Variants in OCIAD1 observed in about 807,000 individuals in gnomAD.
The protein encoded by OCIAD1 is OCIA domain containing 1.
In OCIAD1, 29 loss-of-function variants were observed where a neutral mutation model predicts 38.9. The observed-to-expected ratio is 0.74, with a 90% CI of 0.55 to 1.02. OCIAD1 has a LOEUF of 1.02. Among genes scored for constraint, OCIAD1 ranks in the 50% least tolerant of loss-of-function variants. The pLI, the probability that OCIAD1 is intolerant of heterozygous loss-of-function variation, is 0.00. For synonymous variants in OCIAD1, 110 were observed against 92.0 expected (o/e 1.20, Z -1.12); for missense variants, 288 against 289.6 (o/e 0.99, Z 0.04).
At chr4:48,817,728 C>A (rs1254768105) in intron 1 of OCIAD1, among the ~76,000 whole-genome samples, 1 of 152,174 alleles carries the variant, frequency 6.6e-6, no homozygotes, top group East Asian at 1.9e-4. Context: ...TTGGAATAAT[C>A]GAGCTTGGTG....
chr4:48,827,290 T>C (rs1395635874), upstream of OCIAD1, among the ~76,000 whole-genome samples: 1 of 152,234 alleles, frequency 6.6e-6, no homozygotes, highest in Non-Finnish European at 1.5e-5. Flanking sequence ...AAATTATCCC[T>C]TTATTATTAA....
At chr4:48,845,417 T>C (rs1579082757) in intron 4 of OCIAD1, among the ~76,000 whole-genome samples, 1 of 152,360 alleles carries the variant, frequency 6.6e-6, no homozygotes, top group Non-Finnish European at 1.5e-5. Context: ...TAACCAGTTT[T>C]TCTTGAAATA....
At chr4:48,828,402 T>G (rs1041735189), upstream of OCIAD1, among the ~76,000 whole-genome samples, 2 of 152,174 alleles carry the variant, frequency 1.3e-5, no homozygotes, top group African/African-American at 4.8e-5. Context: ...TGGGGCCAGA[T>G]AAGGGAATAA....
At chr4:48,816,923 T>A (rs1193198689) in intron 1 of OCIAD1, among the ~76,000 whole-genome samples, 1 of 152,010 alleles carries the variant, frequency 6.6e-6, no homozygotes, top group East Asian at 1.9e-4. Flanking sequence ...TGAGTGGAGA[T>A]TGGGCCACTG....
chr4:48,848,134 T>TAC (rs1008881657), intron 4 of OCIAD1, among the ~76,000 whole-genome samples: 5 of 152,162 alleles, frequency 3.3e-5, no homozygotes, highest in Admixed American at 1.3e-4. Flanking sequence ...CAGTTTTTCA[T>TAC]ACACACACAC....
At chr4:48,855,018 AG>A (rs1779894324) in intron 7 of OCIAD1, among the ~76,000 whole-genome samples, 1 of 152,186 alleles carries the variant, frequency 6.6e-6, no homozygotes, top group Non-Finnish European at 1.5e-5. Flanking sequence ...TTCTCTCCAT[AG>A]TGTGGGAAAT....
At chr4:48,855,400 C>A (rs555550469) in intron 7 of OCIAD1, among the ~76,000 whole-genome samples, 1 of 152,076 alleles carries the variant, frequency 6.6e-6, no homozygotes, top group Non-Finnish European at 1.5e-5. Context: ...TCTTTACATT[C>A]TTTTTTTAGT....
Position 48,814,244 on chromosome 4 carries a change from T to TG in OCIAD1, c.-103+8914_-103+8915insG, listed in dbSNP as rs1385960172. On this transcript the variant is annotated intron_variant, in intron 1 of 6. Transcript: ENST00000504654. ...GGGTCACCTCCTGTGGAGGGGTTTT[T>TG]TTTTTTTTTTTAATCCTTGCCTCTG... Among the ~76,000 whole-genome samples, 50 of 151,934 alleles carry TG rather than the reference T, an allele frequency of 3.3e-4. No homozygotes were observed. In the East Asian group the frequency reaches 8.9e-3, roughly 27 times the overall value.
chr4:48,825,208 C>G (rs1261079281), intron 1 of OCIAD1, among the ~76,000 whole-genome samples: 1 of 152,212 alleles, frequency 6.6e-6, no homozygotes, highest in Admixed American at 6.5e-5. Context: ...CTTGGGGTTA[C>G]TCCCTGGAGC....
intron 1 of OCIAD1, among the ~76,000 whole-genome samples, chr4:48,820,517 C>A (rs1777184245): frequency 6.6e-6 from 1 of 152,058 alleles, no homozygotes. Context: ...CAAACAAATT[C>A]AAAAGCTAGC....
chr4:48,827,985 A>G (rs1777267189), upstream of OCIAD1, among the ~76,000 whole-genome samples: 1 of 151,840 alleles, frequency 6.6e-6, no homozygotes, highest in African/African-American at 2.4e-5. Context: ...GGGGACTTGG[A>G]GAACTTTTAT....
intron 7 of OCIAD1, chr4:48,852,199 G>A: frequency 2.5e-6 from 1 of 402,738 alleles, no homozygotes. Context: ...AATAACACTT[G>A]GTTCTTGTCC....
intron 3 of OCIAD1, among the ~76,000 whole-genome samples, chr4:48,840,344 G>T (rs966415419): frequency 3.9e-5 from 6 of 152,168 alleles, no homozygotes; most frequent in African/African-American, 1.4e-4. Context: ...AATTGTACTG[G>T]TGCTGTAATT....
Position 48,852,816 on chromosome 4 carries a change from T to A in OCIAD1, c.547+841T>A, listed in dbSNP as rs572137814. On this transcript the variant is annotated intron_variant, in intron 7 of 8. Coordinates refer to ENST00000264312, the MANE Select transcript of OCIAD1 (RefSeq NM_017830.4). ...AGGAATTAGAAACGGGAAATACAGG[T>A]CTGTAATTCTTTATCTAAAATCCTG... 3.3e-5 allele frequency among the ~76,000 whole-genome samples: 5 copies of A among 151,986 alleles called. No individual in the cohort carries two copies. The South Asian group carries it at 1.0e-3, about 32-fold the overall frequency.
At chr4:48,844,381 C>T (rs558587710) in intron 4 of OCIAD1, among the ~76,000 whole-genome samples, 9 of 152,008 alleles carry the variant, frequency 5.9e-5, no homozygotes, top group Non-Finnish European at 1.2e-4. Context: ...ATTGGGAGGC[C>T]GAGTCGGGTG....
chr4:48,847,554 A>G (rs996111618), intron 4 of OCIAD1, among the ~76,000 whole-genome samples: 10 of 152,160 alleles, frequency 6.6e-5, no homozygotes, highest in Non-Finnish European at 8.8e-5. Context: ...TCATATTTAA[A>G]TTTTTAAGCC....
intron 7 of OCIAD1, among the ~76,000 whole-genome samples, chr4:48,853,782 A>G (rs1779750761): frequency 6.6e-6 from 1 of 152,238 alleles, no homozygotes; most frequent in African/African-American, 2.4e-5. Flanking sequence ...CATTTTCATC[A>G]TTGCAGAAAG....
In OCIAD1 at chr4:48,842,689, G is replaced by T; in HGVS notation, c.193G>T (p.Gly65Ter). The T allele has an allele frequency of 6.7e-7, 1 of 1,500,094 alleles. No individual in the cohort carries two copies. The highest frequency in any genetic ancestry group is 9.1e-7 in the Non-Finnish European group (1 of 1,100,976). The allele number at this position is 1,500,094 out of a possible 1,614,324, so 92.9% of individuals were successfully genotyped here. ...GATTACTCAAGGATTAATTAGTAAA[G>T]GTAAATATTTAAAATTTGAATTTAT... is the stretch of plus-strand genomic sequence containing the variant. The part of the protein sequence containing the change: ...MLITQGLISK[G>*]ILSSHPKYGS... The change falls in exon 4 of 9, where the codon GGA becomes TGA. Residue 65 changes from glycine to a stop codon, truncating the protein, a stop_gained and splice_region_variant. Transcript: ENST00000264312. LOFTEE classifies it high-confidence loss of function.
intron 8 of OCIAD1, among the ~76,000 whole-genome samples, chr4:48,859,066 T>C (rs1780359717): frequency 6.6e-6 from 1 of 152,216 alleles, no homozygotes; most frequent in Non-Finnish European, 1.5e-5. Flanking sequence ...GAAGGTCATA[T>C]GCCACAAAGA....
Sources: gnomAD v4.1 joint callset for allele counts (sites outside exome capture counted in the v4.1 genomes callset) on GRCh38, gnomAD v4.1.1 for gene constraint, MANE v1.5 for transcripts, NCBI Gene and HGNC (gene_info 2026-07-23, HGNC 2026-07-21) for gene names.